Variants in F8 observed in about 807,000 individuals in gnomAD.
F8 encodes coagulation factor VIII, also known as antihemophilic factor.
F8 carries 12 observed loss-of-function variants against 140.6 expected under a neutral mutation model. The observed-to-expected ratio is 0.09, with a 90% CI of 0.05 to 0.14. The LOEUF is 0.14. Among genes scored for constraint, F8 ranks in the 10% least tolerant of loss-of-function variants. F8 has a pLI of 1.00. For synonymous variants in F8, 585 were observed against 614.6 expected (o/e 0.95, Z 0.71); for missense variants, 1,354 against 1,720.7 (o/e 0.79, Z 3.77).
intron 12 of F8, 143 bp from the exon 13 acceptor site, chrX:154,948,050 A>C: frequency 1.9e-6 from 1 of 535,361 alleles, no homozygotes; most frequent in Non-Finnish European, 3.2e-6. Context: ...CTTCCAAAAA[A>C]GTAGATTGTT....
chrX:154,998,140 T>A (rs1321774138), intron 2 of F8, among the ~76,000 whole-genome samples: 1 of 112,781 alleles, frequency 8.9e-6, no homozygotes, highest in African/African-American at 3.2e-5. Flanking sequence ...CCAGTAACCT[T>A]CAGGTATTAA....
chrX:154,975,059 A>T (rs2073477839), intron 6 of F8, among the ~76,000 whole-genome samples: 1 of 110,247 alleles, frequency 9.1e-6, no homozygotes, highest in African/African-American at 3.3e-5. Context: ...GATCTTTTGT[A>T]TTTTTTAGTT....
At chrX:155,006,040 G>GA (rs1161098338) in intron 1 of F8, among the ~76,000 whole-genome samples, 6 of 112,148 alleles carry the variant, frequency 5.4e-5, no homozygotes, top group Non-Finnish European at 1.1e-4. Context: ...GAAAAAAGGA[G>GA]AAAAAAGCAG....
intron 14 of F8, among the ~76,000 whole-genome samples, chrX:154,915,782 C>T (rs1343413788): frequency 9.0e-6 from 1 of 111,521 alleles, no homozygotes; most frequent in Non-Finnish European, 1.9e-5. Flanking sequence ...AATTTGATTT[C>T]TTTTTTTCTA....
intron 13 of F8, among the ~76,000 whole-genome samples, chrX:154,931,934 GTAAT>G (rs1425794820): frequency 8.9e-6 from 1 of 112,275 alleles, no homozygotes; most frequent in Non-Finnish European, 1.9e-5. Context: ...ATAGGGAAAT[GTAAT>G]TAATATACAC....
intron 14 of F8, among the ~76,000 whole-genome samples, chrX:154,925,693 C>T (rs2073156557): frequency 8.9e-6 from 1 of 112,733 alleles, no homozygotes; most frequent in Admixed American, 9.3e-5. Flanking sequence ...CAATTTCTCC[C>T]ATTTGGAATG....
At chrX:154,897,355 G>T (rs2072987434) in intron 21 of F8, among the ~76,000 whole-genome samples, 1 of 112,772 alleles carries the variant, frequency 8.9e-6, no homozygotes, top group African/African-American at 3.2e-5. Context: ...CTCATTCAAA[G>T]AATATTTTTT....
rs1203182257 is a variant in F8 at position 154,939,178 on chromosome X, G to A, written c.2114-7502C>T. ...TGCCGGACAGTGGGTGCAGGACAGT[G>A]GGTGCAGTGCACTGTGCGTGAGCCG... On this transcript the variant is annotated intron_variant, in intron 13 of 25. Coordinates refer to ENST00000360256, the MANE Select transcript of F8 (RefSeq NM_000132.4). Among the ~76,000 whole-genome samples the A allele has an allele frequency of 5.4e-5, 6 of 111,512 alleles. No individual in the cohort carries two copies. The East Asian group carries it at 1.7e-3, about 32-fold the overall frequency.
chrX:155,009,728 C>A (rs1224603104), intron 1 of F8, among the ~76,000 whole-genome samples: 1 of 110,414 alleles, frequency 9.1e-6, no homozygotes, highest in African/African-American at 3.3e-5. Context: ...GAGTTAGACT[C>A]TGTCTCAAAA....
intron 25 of F8, among the ~76,000 whole-genome samples, chrX:154,851,215 G>A (rs2072612856): frequency 8.9e-6 from 1 of 112,498 alleles, no homozygotes; most frequent in African/African-American, 3.2e-5. Flanking sequence ...TTTTAGCATG[G>A]ATCAGTACTT....
chrX:154,910,377 C>T (rs1316130029), intron 14 of F8, among the ~76,000 whole-genome samples: 2 of 102,540 alleles, frequency 2.0e-5, no homozygotes, highest in Admixed American at 2.1e-4. Flanking sequence ...ACAATGAGAA[C>T]ACTTGGACAC....
rs368576142 is a variant in F8, at chrX:154,906,393, C to G, written c.5373+27G>C. On this transcript the variant is annotated intron_variant, in intron 15 of 25. Coordinates refer to ENST00000360256, the MANE Select transcript of F8 (RefSeq NM_000132.4). ...AAAATAAATATATAAAATTAATTTTCTTGTAATTCCACTGTCCTTAACTCA... is the reference window on the plus strand; with the variant it reads ...AAAATAAATATATAAAATTAATTTTGTTGTAATTCCACTGTCCTTAACTCA... The G allele has an allele frequency of 6.8e-6, 8 of 1,173,756 alleles. No individual in the cohort carries two copies. In the African/African-American group the frequency reaches 1.3e-4, roughly 18 times the overall value.
intron 7 of F8, 124 bp from the exon 8 acceptor site, chrX:154,966,811 G>A: frequency 1.2e-6 from 1 of 868,394 alleles, no homozygotes; most frequent in African/African-American, 2.0e-5. Flanking sequence ...GGCTATATGG[G>A]AAGCATGGTG....
At position 154,982,396 on chromosome X, in the gene F8, T is replaced by C. The variant is rs1450066354; in HGVS notation, c.787+2291A>G. Reference sequence around the variant, plus strand: ...CCGGGGGGCAGAGCCTGCAGTGAGCTGAGATTGCGCCACTGCACTCCAGCC... The same window carrying C: ...CCGGGGGGCAGAGCCTGCAGTGAGCCGAGATTGCGCCACTGCACTCCAGCC... On this transcript the variant is annotated intron_variant, in intron 6 of 25. Coordinates refer to ENST00000360256, the MANE Select transcript of F8 (RefSeq NM_000132.4). Among the ~76,000 whole-genome samples the C allele has an allele frequency of 6.9e-4, 66 of 96,111 alleles. 1 individual carries two copies. Among genetic ancestry groups the C allele is most frequent in the African/African-American group, 1.2e-3 (32 of 25,653 alleles). 83.5% of individuals were successfully genotyped at this position (96,111 alleles called of 115,157 possible).
At chrX:154,997,355 C>A (rs1015191474) in intron 2 of F8, among the ~76,000 whole-genome samples, 1 of 112,347 alleles carries the variant, frequency 8.9e-6, no homozygotes, top group Non-Finnish European at 1.9e-5. Flanking sequence ...ACTGGAGGTG[C>A]AGTAGCAAAC....
At chrX:154,956,822 C>G in intron 11 of F8, 135 bp downstream of exon 11, 1 of 611,100 alleles carries the variant, frequency 1.6e-6, no homozygotes, top group Non-Finnish European at 2.8e-6. Context: ...ACGTTTACTA[C>G]GTGAAACTCA....
chrX:154,870,385 G>T (rs1194822734), intron 22 of F8, among the ~76,000 whole-genome samples: 1 of 112,099 alleles, frequency 8.9e-6, no homozygotes, highest in Non-Finnish European at 1.9e-5. Flanking sequence ...TGCAAGGCTG[G>T]TTCAACATAT....
intron 4 of F8, 109 bp from the exon 5 acceptor site, chrX:154,987,414 G>A: frequency 1.5e-6 from 1 of 653,391 alleles, no homozygotes; most frequent in East Asian, 3.6e-5. Flanking sequence ...AAGAACAAAT[G>A]TAGTCTTCTG....
rs1053880409 is a variant in F8 at position 154,983,300 on chromosome X, G to A, written c.787+1387C>T. 1.9e-4 allele frequency among the ~76,000 whole-genome samples: 21 copies of A among 111,592 alleles called. 1 individual carries two copies. The East Asian group carries it at 5.5e-3, about 29-fold the overall frequency. ...TTTGCCATCATTACCATTTTTAAGT[G>A]TACAGTTCAGTGGTATATATACATA... On this transcript the variant is annotated intron_variant, in intron 6 of 25. Coordinates refer to ENST00000360256, the MANE Select transcript of F8 (RefSeq NM_000132.4).
Sources: allele counts gnomAD v4.1 joint callset (sites outside exome capture counted in the v4.1 genomes callset), GRCh38; gene constraint gnomAD v4.1.1; transcripts MANE v1.5; gene names NCBI Gene and HGNC (gene_info 2026-07-23, HGNC 2026-07-21).